The following PLCB1 variants were observed in gnomAD, a reference collection of about 807,000 sequenced individuals.
The protein encoded by PLCB1 is 1-phosphatidylinositol 4,5-bisphosphate phosphodiesterase beta-1.
Under a neutral mutation model 161.8 loss-of-function variants are expected in PLCB1, and 46 were observed. That is an observed-to-expected ratio of 0.28 (90% CI 0.22 to 0.36). The LOEUF (loss-of-function observed/expected upper bound fraction) is 0.36, where lower values mean the gene tolerates loss of function less well. PLCB1 is among the 10% of genes least tolerant of loss of function. The pLI is 1.00. For missense variants in PLCB1, 1,016 were observed against 1,472.5 expected (o/e 0.69, Z 5.07); for synonymous variants, 517 against 503.7 (o/e 1.03, Z -0.35).
At chr20:8,510,383 CTTTTTTTT>C (rs11479098) in intron 3 of PLCB1, among the ~76,000 whole-genome samples, 8 of 119,822 alleles carry the variant, frequency 6.7e-5, no homozygotes, top group Middle Eastern at 3.9e-3. Flanking sequence ...TTTTCTTTTT[CTTTTTTTT>C]TTTTTTTTTT....
chr20:8,352,855 A>G (rs1428083173), intron 2 of PLCB1, among the ~76,000 whole-genome samples: 2 of 152,198 alleles, frequency 1.3e-5, no homozygotes, highest in Non-Finnish European at 2.9e-5. Flanking sequence ...AGAATGATCC[A>G]TGTAGACATA....
At chr20:8,436,633 C>A (rs1393021564) in intron 3 of PLCB1, among the ~76,000 whole-genome samples, 1 of 151,904 alleles carries the variant, frequency 6.6e-6, no homozygotes, top group Non-Finnish European at 1.5e-5. Flanking sequence ...TATTGCCACC[C>A]TTTGCTCTAG....
intron 31 of PLCB1, chr20:8,880,901 C>T (rs1347737467): frequency 8.4e-6 from 1 of 119,216 alleles, no homozygotes; most frequent in Non-Finnish European, 1.6e-5. Context: ...GAGTCTCACT[C>T]TGTCGCCCAG....
intron 1 of PLCB1, among the ~76,000 whole-genome samples, chr20:8,136,556 G>A (rs1280321891): frequency 6.6e-6 from 1 of 151,772 alleles, no homozygotes; most frequent in East Asian, 1.9e-4. Flanking sequence ...AACCTGGGAG[G>A]CGGAGCTTGC....
At position 8,774,547 on chromosome 20, in the gene PLCB1, C is replaced by G; in HGVS notation, c.2939C>G (p.Pro980Arg). The G allele has an allele frequency of 6.2e-7, 1 of 1,605,288 alleles. No homozygotes were observed. Among genetic ancestry groups the G allele is most frequent in the Non-Finnish European group, 8.5e-7 (1 of 1,174,006 alleles). The change falls in exon 27 of 32, where the codon CCC becomes CGC. Residue 980 changes from proline (P) to arginine (R), a missense_variant. By Grantham distance (103) the Pro-to-Arg change is moderately radical. Coordinates refer to ENST00000338037, the MANE Select transcript of PLCB1 (RefSeq NM_015192.4). ...AKKDSKKKSE[P>R]SSPDHGSSTI... ...ACTCTGTGTCTTTGCAGATCGGAAC[C>G]CAGCAGCCCTGATCATGGTTCATCA... is the stretch of plus-strand genomic sequence containing the variant.
intron 31 of PLCB1, among the ~76,000 whole-genome samples, chr20:8,791,256 G>T (rs1335134003): frequency 6.6e-6 from 1 of 152,004 alleles, no homozygotes; most frequent in Non-Finnish European, 1.5e-5. Flanking sequence ...CTTAGATATG[G>T]TGCTAATTCT....
intron 2 of PLCB1, among the ~76,000 whole-genome samples, chr20:8,330,814 C>CGTCT (rs1985339190): frequency 6.6e-6 from 1 of 152,132 alleles, no homozygotes; most frequent in African/African-American, 2.4e-5. Context: ...ACAACATTAG[C>CGTCT]ATCTACATCC....
chr20:8,867,697 G>A (rs2146321003), intron 31 of PLCB1, among the ~76,000 whole-genome samples: 1 of 152,018 alleles, frequency 6.6e-6, no homozygotes, highest in East Asian at 1.9e-4. Context: ...GACTCAGTTG[G>A]GCCTTTTATT....
rs573299972 is a variant in PLCB1, at chr20:8,370,487, C to T, written c.178-895C>T. Among the ~76,000 whole-genome samples, 39 of 152,288 alleles carry T rather than the reference C, an allele frequency of 2.6e-4. 1 individual carries two copies. The highest frequency in any genetic ancestry group is 2.4e-3 in the Admixed American group (37 of 15,300). ...CTCTATCCTTCTCCCTACCTCCTTTCCCCGCAATGTTCTCTGTCTCTAAGT... is the reference window on the plus strand; with the variant it reads ...CTCTATCCTTCTCCCTACCTCCTTTTCCCGCAATGTTCTCTGTCTCTAAGT... On this transcript the variant is annotated intron_variant, in intron 2 of 31. Coordinates refer to ENST00000338037, the MANE Select transcript of PLCB1 (RefSeq NM_015192.4).
At chr20:8,196,103 C>T (rs1355589144) in intron 2 of PLCB1, among the ~76,000 whole-genome samples, 3 of 152,014 alleles carry the variant, frequency 2.0e-5, no homozygotes, top group Admixed American at 6.6e-5. Flanking sequence ...GGGGAACCCG[C>T]CCCATCATTC....
intron 3 of PLCB1, among the ~76,000 whole-genome samples, chr20:8,410,555 C>G (rs1013097607): frequency 2.0e-5 from 3 of 151,798 alleles, no homozygotes; most frequent in Non-Finnish European, 2.9e-5. Context: ...GTATTATGCC[C>G]AGTTATAAGT....
At chr20:8,828,152 G>A (rs1985801141) in intron 31 of PLCB1, among the ~76,000 whole-genome samples, 1 of 152,174 alleles carries the variant, frequency 6.6e-6, no homozygotes, top group South Asian at 2.1e-4. Context: ...CTGCATTGGG[G>A]GGTGTGATGG....
chr20:8,258,728 T>C (rs1017790839), intron 2 of PLCB1, among the ~76,000 whole-genome samples: 3 of 152,218 alleles, frequency 2.0e-5, no homozygotes, highest in Non-Finnish European at 4.4e-5. Context: ...TAATTCTGTT[T>C]TTAAAATTTC....
At chr20:8,309,595 A>C (rs1445778901) in intron 2 of PLCB1, among the ~76,000 whole-genome samples, 2 of 152,206 alleles carry the variant, frequency 1.3e-5, no homozygotes, top group Non-Finnish European at 2.9e-5. Context: ...GACCTAGTCC[A>C]TTGAAGTGTC....
chr20:8,142,347 A>G (rs2051413186), intron 1 of PLCB1, among the ~76,000 whole-genome samples: 2 of 152,200 alleles, frequency 1.3e-5, no homozygotes, highest in South Asian at 2.1e-4. Context: ...TCCATCTGAA[A>G]TCTCCTAGGG....
intron 1 of PLCB1, among the ~76,000 whole-genome samples, chr20:8,147,733 G>A (rs2051467811): frequency 6.6e-6 from 1 of 152,146 alleles, no homozygotes; most frequent in Non-Finnish European, 1.5e-5. Context: ...GAGGAACTGT[G>A]GCCGGAAGAG....
intron 2 of PLCB1, among the ~76,000 whole-genome samples, chr20:8,322,139 T>G (rs1259430246): frequency 6.6e-6 from 1 of 152,134 alleles, no homozygotes; most frequent in Non-Finnish European, 1.5e-5. Flanking sequence ...TTTATTAATA[T>G]TCTTTATTTT....
At chr20:8,793,870 T>C (rs768945101) in intron 31 of PLCB1, among the ~76,000 whole-genome samples, 7 of 152,178 alleles carry the variant, frequency 4.6e-5, no homozygotes, top group Non-Finnish European at 4.4e-5. Context: ...CTGGAGTCTA[T>C]TGCATCTCTG....
chr20:8,520,488 C>A (rs1984306464), intron 3 of PLCB1, among the ~76,000 whole-genome samples: 2 of 152,196 alleles, frequency 1.3e-5, no homozygotes, highest in Admixed American at 1.3e-4. Flanking sequence ...ATTCAAGTAA[C>A]AACCTATGCA....
Sources: allele counts gnomAD v4.1 joint callset (sites outside exome capture counted in the v4.1 genomes callset), GRCh38; gene constraint gnomAD v4.1.1; transcripts MANE v1.5; gene names NCBI Gene and HGNC (gene_info 2026-07-23, HGNC 2026-07-21).